The following GRIA2 variants were observed in gnomAD, a reference collection of about 807,000 sequenced individuals.
The protein encoded by GRIA2 is glutamate receptor 2.
In GRIA2, 14 loss-of-function variants were observed where a neutral mutation model predicts 97.3. The observed-to-expected ratio is 0.14, with a 90% confidence interval of 0.10 to 0.23. The LOEUF (loss-of-function observed/expected upper bound fraction) is 0.23. Ranked by LOEUF, GRIA2 falls within the 10% of genes least tolerant of loss-of-function variation. The pLI, the probability that GRIA2 is intolerant of heterozygous loss-of-function variation, is 1.00. For missense variants in GRIA2, 558 were observed against 1,069.8 expected (o/e 0.52, Z 6.67); for synonymous variants, 412 against 387.8 (o/e 1.06, Z -0.73).
In GRIA2 at chr4:157,303,532, T is replaced by C; in HGVS notation, c.230-20T>C. 1 of 1,607,278 alleles carries C rather than the reference T, an allele frequency of 6.2e-7. No homozygotes were observed. The highest frequency in any genetic ancestry group is 8.5e-7 in the Non-Finnish European group (1 of 1,174,358). On this transcript the variant is annotated intron_variant, in intron 2 of 15. Transcript: ENST00000264426. ...GCCAATTTCAATGATTTTTCCTTTC[T>C]ATTTTTCCTATTCTTCTAGTCTGCT...
intron 9 of GRIA2, 29 bp from the exon 10 acceptor site, chr4:157,335,642 A>G (rs747980427): frequency 6.0e-6 from 8 of 1,329,654 alleles, no homozygotes; most frequent in African/African-American, 1.4e-5. Context: ...AGATATTTTA[A>G]TCAGCTAAAG....
intron 2 of GRIA2, among the ~76,000 whole-genome samples, chr4:157,296,338 G>A (rs538066765): frequency 1.1e-4 from 17 of 152,064 alleles, no homozygotes; most frequent in African/African-American, 3.1e-4. Context: ...CACTATCAAC[G>A]GAAATGAAAT....
At chr4:157,306,934 G>GA (rs1733871519) in intron 3 of GRIA2, among the ~76,000 whole-genome samples, 1 of 152,064 alleles carries the variant, frequency 6.6e-6, no homozygotes, top group African/African-American at 2.4e-5. Flanking sequence ...CCACAGTCTG[G>GA]AAAATAGATC....
At chr4:157,268,272 G>T (rs1312475860) in intron 2 of GRIA2, among the ~76,000 whole-genome samples, 1 of 151,952 alleles carries the variant, frequency 6.6e-6, no homozygotes, top group Non-Finnish European at 1.5e-5. Context: ...GGGAATCTTG[G>T]TGTTTCTAGT....
At chr4:157,328,381 T>G (rs1384257023) in intron 6 of GRIA2, among the ~76,000 whole-genome samples, 1 of 152,046 alleles carries the variant, frequency 6.6e-6, no homozygotes, top group South Asian at 2.1e-4. Flanking sequence ...GGTGCCTCTG[T>G]CTCTTAGAGA....
At chr4:157,225,779 G>A (rs1352744966) in intron 2 of GRIA2, among the ~76,000 whole-genome samples, 3 of 151,748 alleles carry the variant, frequency 2.0e-5, no homozygotes, top group Non-Finnish European at 4.4e-5. Flanking sequence ...TTAAACACAA[G>A]CGGTTTAATA....
chr4:157,245,016 T>TA (rs999460764), intron 2 of GRIA2, among the ~76,000 whole-genome samples: 3 of 152,094 alleles, frequency 2.0e-5, no homozygotes, highest in South Asian at 2.1e-4. Flanking sequence ...AAATACTACA[T>TA]AAAAAAATAA....
chr4:157,255,497 G>T (rs1199057675), intron 2 of GRIA2, among the ~76,000 whole-genome samples: 1 of 151,802 alleles, frequency 6.6e-6, no homozygotes, highest in Non-Finnish European at 1.5e-5. Flanking sequence ...TTTCCATAGG[G>T]GTTTTACTAG....
chr4:157,254,500 G>A (rs765511561), intron 2 of GRIA2, among the ~76,000 whole-genome samples: 1 of 151,944 alleles, frequency 6.6e-6, no homozygotes, highest in African/African-American at 2.4e-5. Context: ...TCCGGAAAGA[G>A]CCCCTGAAAT....
chr4:157,342,382 G>C, intron 12 of GRIA2: 1 of 984,968 alleles, frequency 1.0e-6, no homozygotes, highest in Non-Finnish European at 1.2e-6. Flanking sequence ...ATGGGAGAAA[G>C]GGTTCTGGGA....
At chr4:157,272,745 G>A (rs1374536147) in intron 2 of GRIA2, among the ~76,000 whole-genome samples, 1 of 151,998 alleles carries the variant, frequency 6.6e-6, no homozygotes, top group East Asian at 1.9e-4. Context: ...CTGATCTTTT[G>A]GGGGTTTCTC....
intron 2 of GRIA2, among the ~76,000 whole-genome samples, chr4:157,252,826 G>A (rs1208715115): frequency 6.6e-6 from 1 of 151,876 alleles, no homozygotes; most frequent in African/African-American, 2.4e-5. Context: ...TGGTTTCAAA[G>A]AATAATATCC....
chr4:157,324,224 G>T (rs1009681265), intron 6 of GRIA2, among the ~76,000 whole-genome samples: 7 of 152,050 alleles, frequency 4.6e-5, no homozygotes, highest in African/African-American at 1.7e-4. Context: ...CCACCCAGAG[G>T]CATATTTTAT....
intron 12 of GRIA2, among the ~76,000 whole-genome samples, chr4:157,356,700 A>T (rs1197061724): frequency 3.9e-5 from 6 of 152,144 alleles, no homozygotes; most frequent in Non-Finnish European, 8.8e-5. Flanking sequence ...TTTAACAGGA[A>T]ATGCTATTAA....
chr4:157,295,893 T>G (rs997879297), intron 2 of GRIA2, among the ~76,000 whole-genome samples: 1 of 152,194 alleles, frequency 6.6e-6, no homozygotes, highest in Non-Finnish European at 1.5e-5. Context: ...TTTAAAACTT[T>G]AACAATTTAT....
chr4:157,341,537 A>G (rs1433915233), intron 12 of GRIA2, 75 bp downstream of exon 12: 22 of 982,474 alleles, frequency 2.2e-5, no homozygotes, highest in Non-Finnish European at 2.6e-5. Context: ...TCCCTCCCAT[A>G]GTCAATTCCA....
chr4:157,360,536 G>A (rs558509914), intron 13 of GRIA2, among the ~76,000 whole-genome samples: 1 of 152,140 alleles, frequency 6.6e-6, no homozygotes, highest in South Asian at 2.1e-4. Context: ...TATCCTAACA[G>A]TAAACTGAAA....
Position 157,245,366 on chromosome 4 carries a change from A to G in GRIA2, c.229+23559A>G, listed in dbSNP as rs17035900. 1.1e-3 allele frequency among the ~76,000 whole-genome samples: 170 copies of G among 151,956 alleles called. 1 individual carries two copies. The highest frequency in any genetic ancestry group is 4.0e-3 in the African/African-American group (165 of 41,450). The stretch of plus-strand genomic sequence containing the variant: ...AATACACTCTGCTTTTCCTTTCTCT[A>G]TATTCTAGTGATAATAGACTTGGAG... On this transcript the variant is annotated intron_variant, in intron 2 of 15. Transcript: ENST00000264426.
In GRIA2 at chr4:157,332,822, A is replaced by G; in HGVS notation, c.886A>G (p.Thr296Ala). The change falls in exon 7 of 16, where the codon ACT becomes GCT. Residue 296 changes from threonine to alanine, a missense_variant. Transcript: ENST00000264426. Reference sequence around the variant, plus strand: ...AAATGTGTGTGATCCTTTGCAGTATACTTCTGCTCTGACCTATGATGCCGT... The same window carrying G: ...AAATGTGTGTGATCCTTTGCAGTATGCTTCTGCTCTGACCTATGATGCCGT... The part of the protein sequence containing the change: ...PGAHTTTIKY[T>A]SALTYDAVQV... 4 of 1,609,234 alleles carry G rather than the reference A, an allele frequency of 2.5e-6. No homozygotes were observed. The highest frequency in any genetic ancestry group is 3.4e-6 in the Non-Finnish European group (4 of 1,176,988).
Sources: allele counts gnomAD v4.1 joint callset (sites outside exome capture counted in the v4.1 genomes callset), GRCh38; gene constraint gnomAD v4.1.1; transcripts MANE v1.5; gene names NCBI Gene and HGNC (gene_info 2026-07-23, HGNC 2026-07-21).